The following ACACA variants were observed in gnomAD, a reference collection of about 807,000 sequenced individuals.
The protein encoded by ACACA is acetyl-CoA carboxylase 1.
In ACACA, 103 loss-of-function variants were observed where a neutral mutation model predicts 296.1. The ratio of observed to expected loss-of-function variants is 0.35; its 90% CI spans 0.30 to 0.41. The LOEUF is 0.41. Ranked by LOEUF, ACACA falls within the 10% of genes least tolerant of loss-of-function variation. The pLI is 1.00. For synonymous variants in ACACA, 953 were observed against 1,038.6 expected, an observed-to-expected ratio of 0.92 and a Z score of 1.58; for missense variants, 1,554 against 2,989.7, an observed-to-expected ratio of 0.52 and a Z score of 11.20.
intron 54 of ACACA, among the ~76,000 whole-genome samples, chr17:37,092,381 T>A (rs2072707239): frequency 1.3e-5 from 2 of 152,138 alleles, no homozygotes; most frequent in South Asian, 4.1e-4. Flanking sequence ...CCTGGGCCCG[T>A]ATGCCACCTG....
intron 52 of ACACA, among the ~76,000 whole-genome samples, chr17:37,101,622 T>G (rs2073365741): frequency 6.6e-6 from 1 of 152,214 alleles, no homozygotes; most frequent in African/African-American, 2.4e-5. Context: ...AGAAGACACG[T>G]GCTTCAGTAG....
At chr17:37,404,493 C>T (rs1249080257) in intron 1 of ACACA, among the ~76,000 whole-genome samples, 1 of 151,650 alleles carries the variant, frequency 6.6e-6, no homozygotes, top group Admixed American at 6.6e-5. Flanking sequence ...GCTGGGATTA[C>T]AGGTACACAC....
intron 39 of ACACA, among the ~76,000 whole-genome samples, chr17:37,185,788 C>A (rs1186941543): frequency 6.6e-6 from 1 of 151,966 alleles, no homozygotes; most frequent in East Asian, 1.9e-4. Context: ...AGGCTGGTCT[C>A]GAACTCCTGA....
intron 11 of ACACA, 36 bp downstream of exon 11, chr17:37,263,649 T>C: frequency 6.4e-7 from 1 of 1,563,172 alleles, no homozygotes. Context: ...ATGTTCTATG[T>C]AAGAAAACAT....
At chr17:37,397,548 C>T (rs62071189) in intron 1 of ACACA, among the ~76,000 whole-genome samples, 2,741 of 152,234 alleles carry the variant, frequency 0.018, 40 homozygotes, top group Non-Finnish European at 0.026. Context: ...AAGGGTCATA[C>T]TATAATTGTT....
At chr17:37,260,276 ATATATATATATATATATATATTTTTTTTT>A (rs2081414176) in intron 11 of ACACA, among the ~76,000 whole-genome samples, 1 of 29,826 alleles carries the variant, frequency 3.4e-5, no homozygotes, top group African/African-American at 1.7e-4. Context: ...ATATATATAT[ATATATATATATATATATATATTTTTTTTT>A]TTTTTTTTTT....
intron 1 of ACACA, among the ~76,000 whole-genome samples, chr17:37,384,545 A>G (rs2050443401): frequency 6.6e-6 from 1 of 151,744 alleles, no homozygotes; most frequent in African/African-American, 2.4e-5. Context: ...TTATTTTACT[A>G]TTACCATCTT....
At chr17:37,104,944 G>GAAGAA (rs1555546832) in intron 52 of ACACA, among the ~76,000 whole-genome samples, 70 of 56,646 alleles carry the variant, frequency 1.2e-3, no homozygotes, top group African/African-American at 4.8e-3. Context: ...GTCTCTGACC[G>GAAGAA]AAAAAAAAAA....
intron 3 of ACACA, among the ~76,000 whole-genome samples, chr17:37,317,754 G>C (rs968692756): frequency 6.6e-6 from 1 of 152,154 alleles, no homozygotes; most frequent in Non-Finnish European, 1.5e-5. Context: ...GCTGTACCGA[G>C]CCTTACTTAC....
In ACACA at chr17:37,086,620, CTG is replaced by C. The variant is rs1167204891; in HGVS notation, c.*694_*695del. The C allele has an allele frequency of 1.3e-5, 2 of 153,240 alleles. No homozygotes were observed. Among genetic ancestry groups the C allele is most frequent in the African/African-American group, 2.4e-5 (1 of 41,468 alleles). The allele number at this position is 153,240 out of a possible 1,614,324, so 9.5% of individuals were successfully genotyped here. A position where few individuals can be genotyped will look rare whatever the true frequency, so the allele number is the denominator to read the frequency against. ...CTACCTTTCCCTTTGTCCTCAGAGACTGAACCCAAGGTTGAGGTCCCCTAAAT... is the reference window on the plus strand; with the variant it reads ...CTACCTTTCCCTTTGTCCTCAGAGACAACCCAAGGTTGAGGTCCCCTAAAT... On this transcript the variant is annotated 3_prime_UTR_variant, in exon 56 of 56. Coordinates refer to ENST00000616317, the MANE Select transcript of ACACA (RefSeq NM_198834.3).
intron 45 of ACACA, among the ~76,000 whole-genome samples, chr17:37,130,794 A>G (rs185585672): frequency 6.6e-6 from 1 of 152,188 alleles, no homozygotes; most frequent in African/African-American, 2.4e-5. Context: ...AGACACAAAA[A>G]GGTAACATGC....
Position 37,212,426 on chromosome 17 carries a change from G to A in ACACA, c.3684-1936C>T, listed in dbSNP as rs55936351. Among the ~76,000 whole-genome samples the A allele has an allele frequency of 1.1e-3, 167 of 152,216 alleles. 1 individual carries two copies. Among genetic ancestry groups the A allele is most frequent in the African/African-American group, 3.9e-3 (164 of 41,534 alleles). On this transcript the variant is annotated intron_variant, in intron 29 of 55. Coordinates refer to ENST00000616317, the MANE Select transcript of ACACA (RefSeq NM_198834.3). ...ATAAGAATTATGCACCATCTACACA[G>A]TATGGGTCAAAAAGCAAAAACTCCC...
At chr17:37,092,107 C>T (rs2072680065) in intron 54 of ACACA, among the ~76,000 whole-genome samples, 1 of 151,542 alleles carries the variant, frequency 6.6e-6, no homozygotes, top group Non-Finnish European at 1.5e-5. Flanking sequence ...GGCAACATGG[C>T]AAAACCCCAC....
At chr17:37,180,264 A>G (rs1463956273) in intron 40 of ACACA, among the ~76,000 whole-genome samples, 3 of 152,232 alleles carry the variant, frequency 2.0e-5, no homozygotes, top group African/African-American at 7.2e-5. Flanking sequence ...CTTTTAGGCT[A>G]GCAATGCTAT....
intron 3 of ACACA, among the ~76,000 whole-genome samples, chr17:37,285,527 T>A (rs567530368): frequency 1.2e-4 from 18 of 152,268 alleles, no homozygotes; most frequent in Admixed American, 7.2e-4. Context: ...TAAAAAAATC[T>A]CCTAGGCCGG....
chr17:37,365,118 C>T (rs2049561353), intron 1 of ACACA, among the ~76,000 whole-genome samples: 1 of 151,928 alleles, frequency 6.6e-6, no homozygotes, highest in African/African-American at 2.4e-5. Context: ...AATCACATGC[C>T]CAGCCAATTT....
At position 37,328,413 on chromosome 17, in the gene ACACA, T is replaced by C. The variant is rs148637573; in HGVS notation, c.338+1760A>G. Reference sequence around the variant, plus strand: ...AAGACCTCTGTCTCTATTTAAATAATGTTTTAAATTAATTTTTTAAAATAA... The same window carrying C: ...AAGACCTCTGTCTCTATTTAAATAACGTTTTAAATTAATTTTTTAAAATAA... On this transcript the variant is annotated intron_variant, in intron 3 of 55. Transcript: ENST00000616317. Among the ~76,000 whole-genome samples, 1,038 of 152,278 alleles carry C rather than the reference T, an allele frequency of 6.8e-3. 7 individuals are homozygous for C. Among genetic ancestry groups the C allele is most frequent in the Middle Eastern group, 0.048 (14 of 294 alleles).
chr17:37,381,227 C>T (rs2050241194), intron 1 of ACACA, among the ~76,000 whole-genome samples: 1 of 151,940 alleles, frequency 6.6e-6, no homozygotes, highest in African/African-American at 2.4e-5. Flanking sequence ...ACTCTGTCAC[C>T]CAGGCTGGAG....
intron 45 of ACACA, among the ~76,000 whole-genome samples, chr17:37,135,434 G>C (rs2075290627): frequency 6.6e-6 from 1 of 152,208 alleles, no homozygotes; most frequent in South Asian, 2.1e-4. Flanking sequence ...GCAGAAGAGA[G>C]AAAAGCCTCT....
Sources: allele counts gnomAD v4.1 joint callset (sites outside exome capture counted in the v4.1 genomes callset), GRCh38; gene constraint gnomAD v4.1.1; transcripts MANE v1.5; gene names NCBI Gene and HGNC (gene_info 2026-07-23, HGNC 2026-07-21).